SHC3: variants seen among roughly 807,000 people sequenced by gnomAD.
SHC3 encodes the protein SHC-transforming protein 3.
Under a neutral mutation model 60.4 loss-of-function variants are expected in SHC3, and 15 were observed. The ratio of observed to expected loss-of-function variants is 0.25; its 90% CI spans 0.17 to 0.38. The LOEUF (loss-of-function observed/expected upper bound fraction) is 0.38, where lower values mean the gene tolerates loss of function less well. Among genes scored for constraint, SHC3 ranks in the 10% least tolerant of loss-of-function variants. The probability of loss-of-function intolerance (pLI) is 1.00; values close to 1 mark genes in which losing one functional copy is unlikely to be tolerated. For missense variants in SHC3, 677 were observed against 786.1 expected (o/e 0.86, Z 1.66); for synonymous variants, 294 against 325.9 (o/e 0.90, Z 1.05).
In SHC3 at chr9:89,037,188, C is replaced by A. The variant is rs12338512; in HGVS notation, c.1656+805G>T. Among the ~76,000 whole-genome samples, 688 of 152,294 alleles carry A rather than the reference C, an allele frequency of 4.5e-3. 5 individuals are homozygous for A. The highest frequency in any genetic ancestry group is 0.016 in the African/African-American group (662 of 41,566). Reference sequence around the variant, plus strand: ...TAAACTGTCTTGGGTAACACCCCCACCCCCGACACATGCAGTTTAATTGTG... The same window carrying A: ...TAAACTGTCTTGGGTAACACCCCCAACCCCGACACATGCAGTTTAATTGTG... On this transcript the variant is annotated intron_variant, in intron 11 of 11. Coordinates refer to ENST00000375835, the MANE Select transcript of SHC3 (RefSeq NM_016848.6).
chr9:89,052,191 T>C, intron 6 of SHC3, 28 bp from the exon 7 acceptor site: 2 of 1,611,774 alleles, frequency 1.2e-6, no homozygotes, highest in Middle Eastern at 1.7e-4. Context: ...ATGGGCCTAT[T>C]AGAGACAGAC....
At chr9:89,088,622 A>T (rs1338057187) in intron 2 of SHC3, 1 of 152,202 alleles carries the variant, frequency 6.6e-6, no homozygotes, top group Non-Finnish European at 1.5e-5. Flanking sequence ...TTTTAAAAAC[A>T]TCTTTAATAT....
At chr9:89,060,382 G>C (rs995663858) in intron 6 of SHC3, among the ~76,000 whole-genome samples, 2 of 151,968 alleles carry the variant, frequency 1.3e-5, no homozygotes, top group African/African-American at 4.8e-5. Flanking sequence ...TGGAAGATAT[G>C]CTGGAAGATG....
intron 11 of SHC3, among the ~76,000 whole-genome samples, chr9:89,027,317 T>C (rs1211182483): frequency 6.9e-6 from 1 of 145,176 alleles, no homozygotes. Context: ...TAGTGATGGG[T>C]GAAATTCTGA....
intron 8 of SHC3, 79 bp from the exon 9 acceptor site, chr9:89,045,912 C>T (rs996504522): frequency 6.0e-5 from 86 of 1,424,484 alleles, no homozygotes; most frequent in South Asian, 8.3e-5. Context: ...ACAAGACAGT[C>T]GGCGAGTTGA....
At chr9:89,154,683 T>C (rs1826596009) in intron 1 of SHC3, among the ~76,000 whole-genome samples, 1 of 152,236 alleles carries the variant, frequency 6.6e-6, no homozygotes, top group Admixed American at 6.5e-5. Context: ...TAGGTGTTCA[T>C]CAAAAGACCT....
intron 1 of SHC3, among the ~76,000 whole-genome samples, chr9:89,115,352 A>G (rs1826005562): frequency 6.6e-6 from 1 of 152,160 alleles, no homozygotes; most frequent in African/African-American, 2.4e-5. Flanking sequence ...TACCACCAAC[A>G]ACAATGATGC....
intron 1 of SHC3, among the ~76,000 whole-genome samples, chr9:89,126,194 G>A (rs1316845047): frequency 6.6e-6 from 1 of 152,140 alleles, no homozygotes; most frequent in Non-Finnish European, 1.5e-5. Flanking sequence ...GGATGAGATA[G>A]GGTTAGAGAC....
intron 11 of SHC3, among the ~76,000 whole-genome samples, chr9:89,023,082 G>T (rs1250044229): frequency 6.6e-6 from 1 of 152,150 alleles, no homozygotes; most frequent in Non-Finnish European, 1.5e-5. Flanking sequence ...TGCCTTCTTT[G>T]GAAGGGAGGG....
chr9:89,152,618 G>A (rs191578876), intron 1 of SHC3, among the ~76,000 whole-genome samples: 54 of 152,260 alleles, frequency 3.5e-4, no homozygotes, highest in African/African-American at 1.0e-3. Flanking sequence ...TGGCACATCC[G>A]TCTGATATTG....
In SHC3 at chr9:89,013,414, T is replaced by A. The variant is rs1446338397; in HGVS notation, c.*33A>T. 1 of 1,516,876 alleles carries A rather than the reference T, an allele frequency of 6.6e-7. No individual in the cohort carries two copies. The highest frequency in any genetic ancestry group is 2.4e-5 in the East Asian group (1 of 40,838). The allele number at this position is 1,516,876 out of a possible 1,614,324, so 94.0% of individuals were successfully genotyped here. A position where few individuals can be genotyped will look rare whatever the true frequency, so the allele number is the denominator to read the frequency against. On this transcript the variant is annotated 3_prime_UTR_variant, in exon 12 of 12. Coordinates refer to ENST00000375835, the MANE Select transcript of SHC3 (RefSeq NM_016848.6). The stretch of plus-strand genomic sequence containing the variant: ...TAGTCCACTCCAGGTCCTCCTGACC[T>A]GGTGCGCAGTGCTGGGAGCAGTGCT...
chr9:89,071,882 T>C (rs1410973870), intron 4 of SHC3, among the ~76,000 whole-genome samples: 5 of 152,242 alleles, frequency 3.3e-5, no homozygotes, highest in Non-Finnish European at 7.3e-5. Flanking sequence ...ACGAAGGCTC[T>C]GCCCACATCA....
chr9:89,049,068 T>C (rs1824820251), intron 7 of SHC3, among the ~76,000 whole-genome samples: 1 of 152,200 alleles, frequency 6.6e-6, no homozygotes. Flanking sequence ...GATACCATCC[T>C]GGCTAACACG....
At chr9:89,047,124 C>T in intron 7 of SHC3, 130 bp from the exon 8 acceptor site, 9 of 841,058 alleles carry the variant, frequency 1.1e-5, no homozygotes, top group Non-Finnish European at 1.5e-5. Context: ...ATCCAGGTCT[C>T]ATGCATAGAT....
At chr9:89,045,164 G>C (rs1337261650) in intron 9 of SHC3, among the ~76,000 whole-genome samples, 1 of 152,120 alleles carries the variant, frequency 6.6e-6, no homozygotes, top group African/African-American at 2.4e-5. Context: ...CTCCCAGCAT[G>C]GAGGTGTACA....
chr9:89,036,637 G>A (rs1824583471), intron 11 of SHC3, among the ~76,000 whole-genome samples: 1 of 152,200 alleles, frequency 6.6e-6, no homozygotes, highest in Non-Finnish European at 1.5e-5. Flanking sequence ...GTAATGATCT[G>A]ATAAACAGAA....
rs1470977964 is a variant in SHC3 at position 89,108,978 on chromosome 9, TG to T, written c.545+3577del. The T allele has an allele frequency of 3.6e-6, 3 of 832,426 alleles. No individual in the cohort carries two copies. The African/African-American group carries it at 5.5e-5, about 15-fold the overall frequency. 51.6% of individuals were successfully genotyped at this position (832,426 alleles called of 1,614,324 possible). On this transcript the variant is annotated intron_variant, in intron 2 of 11. Coordinates refer to ENST00000375835, the MANE Select transcript of SHC3 (RefSeq NM_016848.6). ...AATACACATCATTTAACTGGGCAGT[TG>T]TAATAGAACCTTCAAAGCATTCCTC...
intron 1 of SHC3, among the ~76,000 whole-genome samples, chr9:89,172,131 A>C (rs1167003184): frequency 6.6e-6 from 1 of 152,234 alleles, no homozygotes; most frequent in Non-Finnish European, 1.5e-5. Context: ...GTAACCATGG[A>C]AACATGGCCT....
chr9:89,100,115 C>T (rs1263820704), intron 2 of SHC3, among the ~76,000 whole-genome samples: 1 of 152,176 alleles, frequency 6.6e-6, no homozygotes, highest in Non-Finnish European at 1.5e-5. Context: ...AAGCCAAACT[C>T]AGATGGTACC....
Sources: gnomAD v4.1 joint callset for allele counts (sites outside exome capture counted in the v4.1 genomes callset) on GRCh38, gnomAD v4.1.1 for gene constraint, MANE v1.5 for transcripts, NCBI Gene and HGNC (gene_info 2026-07-23, HGNC 2026-07-21) for gene names.